LINGO1: variants seen among roughly 807,000 people sequenced by gnomAD.
LINGO1 encodes the protein leucine-rich repeat and immunoglobulin-like domain-containing nogo receptor-interacting protein 1.
In LINGO1, 11 loss-of-function variants were observed where a neutral mutation model predicts 37.3. The observed-to-expected ratio is 0.29, with a 90% CI of 0.19 to 0.49. The LOEUF (loss-of-function observed/expected upper bound fraction) is 0.49. LINGO1 is among the 20% of genes least tolerant of loss of function. The probability of loss-of-function intolerance (pLI) is 0.99; values close to 1 mark genes in which losing one functional copy is unlikely to be tolerated. For synonymous variants in LINGO1, 387 were observed against 403.0 expected, an observed-to-expected ratio of 0.96 and a Z score of 0.48; for missense variants, 585 against 878.2, an observed-to-expected ratio of 0.67 and a Z score of 4.22.
intron 3 of LINGO1, among the ~76,000 whole-genome samples, chr15:77,641,115 C>T (rs567137280): frequency 7.3e-4 from 111 of 152,262 alleles, no homozygotes; most frequent in African/African-American, 2.4e-3. Flanking sequence ...AAGGCTGGGC[C>T]CTGGGATGGA....
At chr15:77,709,808 C>T (rs111741192) in intron 2 of LINGO1, among the ~76,000 whole-genome samples, 4 of 152,322 alleles carry the variant, frequency 2.6e-5, no homozygotes, top group African/African-American at 9.6e-5. Flanking sequence ...TGAGCACCTA[C>T]GGTGTACAAG....
chr15:77,800,354 G>A (rs2076907776), intron 1 of LINGO1, among the ~76,000 whole-genome samples: 1 of 152,246 alleles, frequency 6.6e-6, no homozygotes, highest in South Asian at 2.1e-4. Flanking sequence ...GAAAACAGCA[G>A]AGACAGAGGA....
At chr15:77,745,780 C>T (rs1263511146) in intron 1 of LINGO1, among the ~76,000 whole-genome samples, 1 of 152,098 alleles carries the variant, frequency 6.6e-6, no homozygotes, top group Non-Finnish European at 1.5e-5. Context: ...AGTGGCTTAT[C>T]CAGGGTCGGG....
In LINGO1 at chr15:77,632,057, G is replaced by GC. The variant is rs527829985; in HGVS notation, c.6+252dup. On this transcript the variant is annotated intron_variant, in intron 1 of 1. Coordinates refer to ENST00000355300, the MANE Select transcript of LINGO1 (RefSeq NM_032808.7). This position sits in a 1 kb window ranked among gnomAD's most constrained non-coding sequence, Gnocchi z 6.0. ...GAGCAGGTCTGGGACACCCGTGGGG[G>GC]CCCCTCCCCAGCTCCAGGCTCCCAG... is the stretch of plus-strand genomic sequence containing the variant. Among the ~76,000 whole-genome samples, 98 of 152,318 alleles carry GC rather than the reference G, an allele frequency of 6.4e-4. No homozygotes were observed. Among genetic ancestry groups the GC allele is most frequent in the African/African-American group, 2.1e-3 (88 of 41,586 alleles).
chr15:77,759,222 C>T (rs897524825), intron 1 of LINGO1, among the ~76,000 whole-genome samples: 15 of 152,348 alleles, frequency 9.8e-5, no homozygotes, highest in Admixed American at 9.2e-4. Flanking sequence ...CATTGCTTCC[C>T]CTTCCTTCAC....
At chr15:77,794,564 A>G (rs186881228) in intron 2 of LINGO1, among the ~76,000 whole-genome samples, 763 of 64,450 alleles carry the variant, frequency 0.012, 26 homozygotes, top group African/African-American at 0.037. Flanking sequence ...GTATATATAC[A>G]CACACACATA....
chr15:77,817,717 TGGGTGTCCTCC>T (rs2077059700), intron 1 of LINGO1, among the ~76,000 whole-genome samples: 1 of 152,192 alleles, frequency 6.6e-6, no homozygotes, highest in Non-Finnish European at 1.5e-5. Flanking sequence ...AAAGAAGGCC[TGGGTGTCCTCC>T]ATGCCTCACC....
chr15:77,760,823 T>C (rs2076468310), intron 1 of LINGO1, among the ~76,000 whole-genome samples: 1 of 151,584 alleles, frequency 6.6e-6, no homozygotes, highest in East Asian at 1.9e-4. Flanking sequence ...GTAATAGGAC[T>C]CACCACTGGG....
At chr15:77,680,122 G>T (rs1392354309) in intron 2 of LINGO1, among the ~76,000 whole-genome samples, 1 of 152,176 alleles carries the variant, frequency 6.6e-6, no homozygotes, top group Non-Finnish European at 1.5e-5. Context: ...CCTCATCATT[G>T]TCTCTTCTCT....
chr15:77,649,696 C>T (rs1041740541), intron 3 of LINGO1, among the ~76,000 whole-genome samples: 2 of 152,066 alleles, frequency 1.3e-5, no homozygotes, highest in South Asian at 4.1e-4. Flanking sequence ...ACCAAGGGAA[C>T]CCAGAGGGCA....
chr15:77,721,256 C>T (rs2076047170), intron 2 of LINGO1, among the ~76,000 whole-genome samples: 1 of 152,168 alleles, frequency 6.6e-6, no homozygotes, highest in South Asian at 2.1e-4. Flanking sequence ...GCTCACTCCA[C>T]TCTAGCCACA....
intron 3 of LINGO1, among the ~76,000 whole-genome samples, chr15:77,666,391 G>A (rs1186850420): frequency 1.3e-5 from 2 of 152,234 alleles, no homozygotes; most frequent in Non-Finnish European, 2.9e-5. Flanking sequence ...GAGCCATGGG[G>A]CCTGCGTAAT....
upstream of LINGO1, chr15:77,787,300 T>A (rs1383286978): frequency 6.6e-6 from 1 of 152,130 alleles, no homozygotes; most frequent in East Asian, 1.9e-4. Flanking sequence ...CCAATTCGCC[T>A]CTCCCACCTG....
rs184012914 is a variant in LINGO1, at chr15:77,753,915, G to A, written c.-256-18862C>T. Reference sequence around the variant, plus strand: ...CCCATTTAACAGAGGAAAAAAGTGAGGCTCAGCTTCTGGATCCTTCCCACT... The same window carrying A: ...CCCATTTAACAGAGGAAAAAAGTGAAGCTCAGCTTCTGGATCCTTCCCACT... On this transcript the variant is annotated intron_variant, in intron 1 of 3. Transcript: ENST00000561686. 2.2e-3 allele frequency among the ~76,000 whole-genome samples: 336 copies of A among 152,362 alleles called. 2 individuals carry two copies. The highest frequency in any genetic ancestry group is 8.0e-3 in the African/African-American group (331 of 41,588).
chr15:77,615,856 G>T lies in LINGO1; in HGVS notation c.51C>A (p.Ser17Arg), dbSNP rs760136702. ...MLAGGVRSMP[S>R]PLLACWQPIL... ...TGGGCTGCCAGCAGGCCAGGAGGGGGCTGGGCATGCTCCTCACGCCCCCCG... is the reference window on the plus strand; with the variant it reads ...TGGGCTGCCAGCAGGCCAGGAGGGGTCTGGGCATGCTCCTCACGCCCCCCG... Residue 17 changes from serine to arginine, a missense_variant, in exon 2 of 2, where the codon AGC becomes AGA. By Grantham distance (110) the Ser-to-Arg change is moderately radical. This residue lies in a region of LINGO1 where 65 missense variants were observed against 57.0 expected (regional missense o/e 1.14). Transcript: ENST00000355300. 2 of 1,492,084 alleles carry T rather than the reference G, an allele frequency of 1.3e-6. No homozygotes were observed. The highest frequency in any genetic ancestry group is 1.8e-6 in the Non-Finnish European group (2 of 1,127,722). The allele number at this position is 1,492,084 out of a possible 1,614,324, so 92.4% of individuals were successfully genotyped here.
At chr15:77,639,615 C>A (rs889250523) in intron 3 of LINGO1, among the ~76,000 whole-genome samples, 1 of 152,060 alleles carries the variant, frequency 6.6e-6, no homozygotes, top group South Asian at 2.1e-4. Context: ...ACGGTACATT[C>A]GCACAATGGA....
rs114194281 is a variant in LINGO1 at position 77,732,004 on chromosome 15, C to T, written c.-195+2988G>A. ...GCTCTGCTGCCCACCCCAGCAGCCA[C>T]CAACCACGGCAATGACAATCACAAC... is the stretch of plus-strand genomic sequence containing the variant. On this transcript the variant is annotated intron_variant, in intron 2 of 3. Transcript: ENST00000561686. Among the ~76,000 whole-genome samples, 1,242 of 152,334 alleles carry T rather than the reference C, an allele frequency of 8.2e-3. 20 individuals carry two copies. Among genetic ancestry groups the T allele is most frequent in the African/African-American group, 0.029 (1,210 of 41,578 alleles).
chr15:77,615,539 G>A lies in LINGO1; in HGVS notation c.368C>T (p.Thr123Met), dbSNP rs764093658. ...GAFNNLFNLR[T>M]LGLRSNRLKL... ...CAGGCGGTTGCTGCGGAGACCCAGC[G>A]TCCGGAGGTTGAAGAGGTTGTTGAA... is the stretch of plus-strand genomic sequence containing the variant. Residue 123 changes from threonine (T) to methionine (M), a missense_variant, in exon 2 of 2, where the codon ACG becomes ATG. Physicochemically the swap from Thr to Met is moderately conservative, Grantham distance 81. Coordinates refer to ENST00000355300, the MANE Select transcript of LINGO1 (RefSeq NM_032808.7). 9.3e-6 allele frequency: 15 copies of A among 1,613,426 alleles called. No individual in the cohort carries two copies. Among genetic ancestry groups the A allele is most frequent in the South Asian group, 7.7e-5 (7 of 91,066 alleles).
chr15:77,744,989 A>C (rs1267024965), intron 1 of LINGO1, among the ~76,000 whole-genome samples: 1 of 151,592 alleles, frequency 6.6e-6, no homozygotes, highest in East Asian at 1.9e-4. Context: ...ATGGTGGTAC[A>C]CACTTGTAAT....
Sources: gnomAD v4.1 joint callset for allele counts (sites outside exome capture counted in the v4.1 genomes callset) on GRCh38, gnomAD v4.1.1 for gene constraint, gnomAD v4.1.1 regional missense constraint, Gnocchi (gnomAD v3.1) non-coding constraint, MANE v1.5 for transcripts, NCBI Gene and HGNC (gene_info 2026-07-23, HGNC 2026-07-21) for gene names.